NXPH2: variants seen among roughly 807,000 people sequenced by gnomAD.
NXPH2 encodes the protein neurexophilin-2.
A neutral mutation model predicts 19.8 loss-of-function variants in NXPH2; 5 were observed. That is an observed-to-expected ratio of 0.25 (90% CI 0.13 to 0.53). The LOEUF is 0.53. Ranked by LOEUF, NXPH2 falls within the 20% of genes least tolerant of loss-of-function variation. The pLI is 0.96. For synonymous variants in NXPH2, 154 were observed against 127.4 expected (o/e 1.21, Z -1.41); for missense variants, 289 against 322.8 (o/e 0.90, Z 0.80).
At chr2:138,739,963 A>C (rs138642939) in intron 1 of NXPH2, among the ~76,000 whole-genome samples, 3 of 152,286 alleles carry the variant, frequency 2.0e-5, no homozygotes, top group South Asian at 4.1e-4. Flanking sequence ...TAGACTTTGA[A>C]TTGTTCCCAT....
At chr2:138,697,092 T>A (rs975297460) in intron 1 of NXPH2, among the ~76,000 whole-genome samples, 23 of 152,150 alleles carry the variant, frequency 1.5e-4, no homozygotes, top group Non-Finnish European at 4.4e-5. Context: ...GTATATGTGG[T>A]ATAATTCCAT....
At position 138,768,107 on chromosome 2, in the gene NXPH2, T is replaced by C. The variant is rs867655122; in HGVS notation, c.51+12084A>G. On this transcript the variant is annotated intron_variant, in intron 1 of 1. Transcript: ENST00000272641. ...ACCTGTTCTTATTTTCAGGATACAA[T>C]ATCTTTTTGACTCTCTGAGAATACT... Among the ~76,000 whole-genome samples the C allele has an allele frequency of 2.6e-5, 4 of 152,342 alleles. 1 individual carries two copies. Among genetic ancestry groups the C allele is most frequent in the Middle Eastern group, 6.8e-3 (2 of 294 alleles).
intron 1 of NXPH2, among the ~76,000 whole-genome samples, chr2:138,687,642 A>G (rs576728837): frequency 3.9e-5 from 6 of 151,980 alleles, no homozygotes; most frequent in Admixed American, 2.0e-4. Flanking sequence ...AGAAAACTCT[A>G]GGTTTTCTTA....
At chr2:138,688,565 A>G (rs1680696640) in intron 1 of NXPH2, among the ~76,000 whole-genome samples, 1 of 152,186 alleles carries the variant, frequency 6.6e-6, no homozygotes, top group South Asian at 2.1e-4. Flanking sequence ...CCCTTTCTCC[A>G]CTAAAGTACA....
chr2:138,731,369 C>T lies in NXPH2; in HGVS notation c.51+48822G>A, dbSNP rs534941472. Among the ~76,000 whole-genome samples the T allele has an allele frequency of 2.8e-4, 42 of 152,152 alleles. 1 individual carries two copies. In the East Asian group the frequency reaches 7.7e-3, roughly 28 times the overall value. ...GCAATACGCTTTTATTGTGTACCTG[C>T]TCTTGCCAGCTCTAATCTAGTAGCT... On this transcript the variant is annotated intron_variant, in intron 1 of 1. Transcript: ENST00000272641.
intron 1 of NXPH2, among the ~76,000 whole-genome samples, chr2:138,775,771 C>A (rs1426045812): frequency 2.6e-5 from 4 of 152,032 alleles, no homozygotes; most frequent in African/African-American, 7.2e-5. Context: ...TAGACAGTAA[C>A]CTCATATGGG....
intron 1 of NXPH2, among the ~76,000 whole-genome samples, chr2:138,745,820 G>T (rs1468027169): frequency 1.3e-5 from 2 of 151,558 alleles, no homozygotes; most frequent in Admixed American, 6.6e-5. Context: ...TCAATTATAG[G>T]GTGGGGGGAA....
At chr2:138,755,371 A>G (rs573192682) in intron 1 of NXPH2, among the ~76,000 whole-genome samples, 11 of 152,260 alleles carry the variant, frequency 7.2e-5, no homozygotes, top group African/African-American at 2.4e-4. Flanking sequence ...TTATGTCTAC[A>G]TACATATGTT....
chr2:138,723,309 C>A (rs1483748278), intron 1 of NXPH2, among the ~76,000 whole-genome samples: 1 of 152,066 alleles, frequency 6.6e-6, no homozygotes, highest in Admixed American at 6.5e-5. Flanking sequence ...TAAAAAAATT[C>A]ATTGAAGATT....
At chr2:138,726,515 AAGAAACACACAC>A (rs1371814552) in intron 1 of NXPH2, among the ~76,000 whole-genome samples, 1 of 100,324 alleles carries the variant, frequency 1.0e-5, no homozygotes, top group East Asian at 3.3e-4. Flanking sequence ...AAAGTAAAAA[AAGAAACACACAC>A]ACACACACAC....
intron 1 of NXPH2, among the ~76,000 whole-genome samples, chr2:138,732,006 T>C (rs1224444022): frequency 6.6e-6 from 1 of 152,140 alleles, no homozygotes; most frequent in South Asian, 2.1e-4. Context: ...CTTCTATGGG[T>C]GGGCAGGTGT....
chr2:138,771,693 G>T (rs1313647102), intron 1 of NXPH2, among the ~76,000 whole-genome samples: 1 of 152,156 alleles, frequency 6.6e-6, no homozygotes, highest in Non-Finnish European at 1.5e-5. Flanking sequence ...CTCCTGCAGG[G>T]AAGACCGAGA....
At chr2:138,757,833 CTATCTATCTATCT>C (rs1286573170) in intron 1 of NXPH2, among the ~76,000 whole-genome samples, 8 of 135,664 alleles carry the variant, frequency 5.9e-5, no homozygotes, top group African/African-American at 1.0e-4. Context: ...ATCTATCTAT[CTATCTATCTATCT>C]ATCTATCTAT....
chr2:138,697,572 A>G (rs1346490257), intron 1 of NXPH2, among the ~76,000 whole-genome samples: 1 of 151,988 alleles, frequency 6.6e-6, no homozygotes, highest in Non-Finnish European at 1.5e-5. Flanking sequence ...TAGTTTATAT[A>G]CAGATTTAAA....
intron 1 of NXPH2, among the ~76,000 whole-genome samples, chr2:138,773,871 A>T (rs1369567262): frequency 6.6e-6 from 1 of 152,164 alleles, no homozygotes; most frequent in East Asian, 1.9e-4. Flanking sequence ...GAATCCCAGG[A>T]ATAGTTAGTC....
At chr2:138,672,511 T>C (rs1265537279) in intron 1 of NXPH2, among the ~76,000 whole-genome samples, 1 of 152,196 alleles carries the variant, frequency 6.6e-6, no homozygotes, top group Non-Finnish European at 1.5e-5. Context: ...AGTCCCCATG[T>C]TTACTAAAAA....
intron 1 of NXPH2, among the ~76,000 whole-genome samples, chr2:138,702,658 G>T (rs1680948097): frequency 7.3e-6 from 1 of 137,054 alleles, no homozygotes; most frequent in East Asian, 2.3e-4. Flanking sequence ...GACAAATGAA[G>T]CCAGAGGGAT....
intron 1 of NXPH2, among the ~76,000 whole-genome samples, chr2:138,779,422 GAGAGA>G (rs1263364374): frequency 6.6e-6 from 1 of 152,184 alleles, no homozygotes; most frequent in Non-Finnish European, 1.5e-5. Context: ...CTCGCGGGAA[GAGAGA>G]AGAGAGTGAC....
At chr2:138,763,646 A>G (rs1682050024) in intron 1 of NXPH2, among the ~76,000 whole-genome samples, 1 of 152,204 alleles carries the variant, frequency 6.6e-6, no homozygotes, top group African/African-American at 2.4e-5. Context: ...GTAACAGTCT[A>G]TTTTAGTAGA....
Sources: gnomAD v4.1 joint callset for allele counts (sites outside exome capture counted in the v4.1 genomes callset) on GRCh38, gnomAD v4.1.1 for gene constraint, MANE v1.5 for transcripts, NCBI Gene and HGNC (gene_info 2026-07-23, HGNC 2026-07-21) for gene names.